Variants in ADAMTSL3 observed in about 807,000 individuals in gnomAD.
ADAMTSL3 encodes ADAMTS-like protein 3.
In ADAMTSL3, 128 loss-of-function variants were observed where a neutral mutation model predicts 201.7. That is an observed-to-expected ratio of 0.63 (90% CI 0.55 to 0.73). ADAMTSL3 has a LOEUF of 0.73. ADAMTSL3 is among the 30% of genes least tolerant of loss of function. The probability of loss-of-function intolerance (pLI) is 0.00; values close to 1 mark genes in which losing one functional copy is unlikely to be tolerated. For missense variants in ADAMTSL3, 1,990 were observed against 2,119.6 expected (o/e 0.94, Z 1.20); for synonymous variants, 738 against 748.4 (o/e 0.99, Z 0.23).
chr15:83,848,282 T>C (rs2064543300), intron 7 of ADAMTSL3, among the ~76,000 whole-genome samples: 1 of 152,206 alleles, frequency 6.6e-6, no homozygotes, highest in Non-Finnish European at 1.5e-5. Context: ...AATGTATATA[T>C]TTAGGTTGAT....
At chr15:83,742,989 A>C (rs1335283305) in intron 3 of ADAMTSL3, among the ~76,000 whole-genome samples, 1 of 152,154 alleles carries the variant, frequency 6.6e-6, no homozygotes, top group African/African-American at 2.4e-5. Context: ...AGAAGCTTTA[A>C]TATTTGCCTG....
chr15:83,917,952 T>C (rs1458613450), intron 16 of ADAMTSL3, among the ~76,000 whole-genome samples: 1 of 152,242 alleles, frequency 6.6e-6, no homozygotes, highest in Non-Finnish European at 1.5e-5. Context: ...TTTTATAATA[T>C]AATAATAGAG....
chr15:83,850,677 A>G (rs1022633150), intron 7 of ADAMTSL3, among the ~76,000 whole-genome samples: 1 of 152,088 alleles, frequency 6.6e-6, no homozygotes, highest in Non-Finnish European at 1.5e-5. Flanking sequence ...TGTGCCAGCT[A>G]CTTGATTGAA....
intron 28 of ADAMTSL3, among the ~76,000 whole-genome samples, chr15:84,036,012 C>G (rs1042996973): frequency 1.3e-5 from 2 of 152,156 alleles, no homozygotes; most frequent in African/African-American, 4.8e-5. Flanking sequence ...TTTCTTCAAC[C>G]AGCTCAAGTT....
At chr15:83,663,667 C>T (rs1167934957) in intron 2 of ADAMTSL3, among the ~76,000 whole-genome samples, 6 of 152,178 alleles carry the variant, frequency 3.9e-5, no homozygotes, top group African/African-American at 1.4e-4. Flanking sequence ...AATGTACTTC[C>T]CATGACCTTG....
At chr15:83,914,481 C>T (rs1252122972) in intron 16 of ADAMTSL3, among the ~76,000 whole-genome samples, 2 of 152,184 alleles carry the variant, frequency 1.3e-5, no homozygotes, top group African/African-American at 2.4e-5. Context: ...TTTTGTATAA[C>T]ATTGCTAGCC....
intron 4 of ADAMTSL3, among the ~76,000 whole-genome samples, chr15:83,778,774 C>T (rs1325433448): frequency 6.6e-6 from 1 of 152,118 alleles, no homozygotes; most frequent in Non-Finnish European, 1.5e-5. Context: ...TCAATACTAA[C>T]CTTGAATGTA....
intron 3 of ADAMTSL3, among the ~76,000 whole-genome samples, chr15:83,714,881 CCTTCCTTCCTTCCTT>C (rs2061991913): frequency 1.3e-4 from 1 of 7,446 alleles, no homozygotes; most frequent in African/African-American, 1.1e-3. Context: ...TCCCTCCCTT[CCTTCCTTCCTTCCTT>C]CCTTCCTTCC....
chr15:83,901,472 C>G (rs1041618659), intron 15 of ADAMTSL3, among the ~76,000 whole-genome samples: 2 of 152,134 alleles, frequency 1.3e-5, no homozygotes, highest in East Asian at 3.9e-4. Context: ...AAGGCTTTTT[C>G]AGTGAATTTT....
chr15:83,739,685 T>C (rs2062424546), intron 3 of ADAMTSL3: 1 of 242,976 alleles, frequency 4.1e-6, no homozygotes, highest in African/African-American at 2.2e-5. Flanking sequence ...TAGTCATGGA[T>C]TGCGTCTCCC....
rs757715678 is a variant in ADAMTSL3, at chr15:83,870,860, C to T, written c.861C>T (p.Gly287=). The T allele has an allele frequency of 5.4e-5, 87 of 1,613,112 alleles. No individual in the cohort carries two copies. The highest frequency in any genetic ancestry group is 6.6e-5 in the Non-Finnish European group (78 of 1,179,634). ...GAGAACACAGCTTTAACAGCCCCGG[C>T]GTCTTTCTCGTAGAAAACACAACAG... ...SKGEHSFNSP[G]VFLVENTTVE... is the part of the protein sequence containing the mutation. The change falls in exon 9 of 30, where the codon GGC becomes GGT. Residue 287 remains glycine (G), a synonymous_variant. Coordinates refer to ENST00000286744, the MANE Select transcript of ADAMTSL3 (RefSeq NM_207517.3).
intron 2 of ADAMTSL3, among the ~76,000 whole-genome samples, chr15:83,688,960 C>T (rs942930003): frequency 2.0e-5 from 3 of 152,038 alleles, no homozygotes; most frequent in African/African-American, 4.8e-5. Flanking sequence ...AGGTGTGTGC[C>T]ACCACAGCAG....
intron 27 of ADAMTSL3, among the ~76,000 whole-genome samples, chr15:84,027,502 A>T (rs971720111): frequency 6.6e-6 from 1 of 152,170 alleles, no homozygotes; most frequent in African/African-American, 2.4e-5. Context: ...AGGCAGGAGG[A>T]TCATGAGGTC....
rs1448032800 is a variant in ADAMTSL3 at position 83,874,402 on chromosome 15, C to T, written c.960+3443C>T. ...TGTTTAGTCACAGGTTGAGTCTCCCCGGAGTCTCCTTCAGTTCCTGAGTGG... is the reference window on the plus strand; with the variant it reads ...TGTTTAGTCACAGGTTGAGTCTCCCTGGAGTCTCCTTCAGTTCCTGAGTGG... On this transcript the variant is annotated intron_variant, in intron 9 of 29. Transcript: ENST00000286744. Among the ~76,000 whole-genome samples, 2 of 144,656 alleles carry T rather than the reference C, an allele frequency of 1.4e-5. 1 individual carries two copies. Among genetic ancestry groups the T allele is most frequent in the Non-Finnish European group, 3.0e-5 (2 of 66,538 alleles). The allele number at this position is 144,656 out of a possible 152,430, so 94.9% of individuals were successfully genotyped here. A position where few individuals can be genotyped will look rare whatever the true frequency, so the allele number is the denominator to read the frequency against.
chr15:83,884,338 C>CCTTTTTTTTTTTTTTTTTTTTTTT (rs1305026027), intron 9 of ADAMTSL3, among the ~76,000 whole-genome samples: 1 of 114,486 alleles, frequency 8.7e-6, no homozygotes, highest in African/African-American at 3.5e-5. Flanking sequence ...GCCCTATTTC[C>CCTTTTTTTTTTTTTTTTTTTTTTT]TTTTTTTTTT....
intron 16 of ADAMTSL3, among the ~76,000 whole-genome samples, chr15:83,916,234 A>G (rs1468436414): frequency 6.6e-6 from 1 of 152,182 alleles, no homozygotes; most frequent in Non-Finnish European, 1.5e-5. Context: ...CACATTTTAC[A>G]AATTTTAGAA....
chr15:83,994,827 C>T (rs2067657287), intron 23 of ADAMTSL3, among the ~76,000 whole-genome samples: 1 of 143,712 alleles, frequency 7.0e-6, no homozygotes, highest in Admixed American at 7.2e-5. Context: ...CCAGGCTGGT[C>T]TCGAACTCCT....
At chr15:83,717,766 T>C (rs1245317340) in intron 3 of ADAMTSL3, among the ~76,000 whole-genome samples, 1 of 152,206 alleles carries the variant, frequency 6.6e-6, no homozygotes, top group Non-Finnish European at 1.5e-5. Context: ...GAAGAATTAT[T>C]CTAATTGACT....
intron 5 of ADAMTSL3, among the ~76,000 whole-genome samples, chr15:83,818,400 C>T (rs1474736591): frequency 1.3e-5 from 2 of 152,142 alleles, no homozygotes; most frequent in South Asian, 4.1e-4. Context: ...AATCTTGGCT[C>T]ACTGCAGCCT....
Sources: allele counts gnomAD v4.1 joint callset (sites outside exome capture counted in the v4.1 genomes callset), GRCh38; gene constraint gnomAD v4.1.1; transcripts MANE v1.5; gene names NCBI Gene and HGNC (gene_info 2026-07-23, HGNC 2026-07-21).